The following RIMS1 variants were observed in gnomAD, a reference collection of about 807,000 sequenced individuals.
RIMS1 encodes regulating synaptic membrane exocytosis 1.
A neutral mutation model predicts 214.1 loss-of-function variants in RIMS1; 83 were observed. The observed-to-expected ratio is 0.39, with a 90% CI of 0.32 to 0.47. The LOEUF is 0.47. RIMS1 is among the 20% of genes least tolerant of loss of function. RIMS1 has a pLI of 0.99. For missense variants in RIMS1, 2,050 were observed against 2,161.8 expected (o/e 0.95, Z 1.03); for synonymous variants, 793 against 786.8 (o/e 1.01, Z -0.13).
intron 6 of RIMS1, among the ~76,000 whole-genome samples, chr6:72,186,220 G>A (rs929979772): frequency 1.3e-5 from 2 of 152,216 alleles, no homozygotes; most frequent in Non-Finnish European, 2.9e-5. Flanking sequence ...AGCATCAACT[G>A]TACTTCACAA....
chr6:72,262,080 A>T (rs2154165778), intron 19 of RIMS1: 11 of 984,944 alleles, frequency 1.1e-5, no homozygotes, highest in East Asian at 2.3e-4. Flanking sequence ...ACACAAAAAA[A>T]ATCCTTATAT....
intron 29 of RIMS1, among the ~76,000 whole-genome samples, chr6:72,374,489 A>G (rs2098319213): frequency 6.6e-6 from 1 of 152,168 alleles, no homozygotes; most frequent in African/African-American, 2.4e-5. Flanking sequence ...CCCTCAAATT[A>G]CTACCAAGGC....
intron 2 of RIMS1, among the ~76,000 whole-genome samples, chr6:71,999,767 T>C (rs1250261902): frequency 6.6e-6 from 1 of 152,112 alleles, no homozygotes; most frequent in Admixed American, 6.6e-5. Context: ...TCTAATTACT[T>C]TTTGTTGGTT....
At chr6:72,235,577 T>C in intron 7 of RIMS1, 41 bp from the exon 8 acceptor site, 1 of 1,283,524 alleles carries the variant, frequency 7.8e-7, no homozygotes. Context: ...TGCATTACAT[T>C]CTGTATATAT....
chr6:72,224,744 A>AT (rs1486600980), intron 6 of RIMS1, among the ~76,000 whole-genome samples: 2 of 151,946 alleles, frequency 1.3e-5, no homozygotes, highest in Non-Finnish European at 2.9e-5. Context: ...CTTTATCCTC[A>AT]TTTTTTTGTG....
At chr6:72,090,844 A>C (rs1322365134) in intron 2 of RIMS1, among the ~76,000 whole-genome samples, 1 of 152,180 alleles carries the variant, frequency 6.6e-6, no homozygotes, top group African/African-American at 2.4e-5. Flanking sequence ...CAAAACATTG[A>C]ATTTCAGTCA....
chr6:72,097,044 C>T lies in RIMS1; in HGVS notation c.341C>T (p.Pro114Leu). Reference sequence around the variant, plus strand: ...CAGGGCGAGCACAAAGACGATGCTCCGACTTGTGGAATCTGTCATAAAACA... The same window carrying T: ...CAGGGCGAGCACAAAGACGATGCTCTGACTTGTGGAATCTGTCATAAAACA... ...RYQGEHKDDAPTCGICHKTKF... is the reference protein window; with the variant it reads ...RYQGEHKDDALTCGICHKTKF... Residue 114 changes from proline to leucine, a missense_variant, in exon 3 of 34, where the codon CCG becomes CTG. This residue lies in a region of RIMS1 where 882 missense variants were observed against 828.9 expected (regional missense o/e 1.06). Transcript: ENST00000521978. 2 of 1,613,928 alleles carry T rather than the reference C, an allele frequency of 1.2e-6. No individual in the cohort carries two copies. Among genetic ancestry groups the T allele is most frequent in the Non-Finnish European group, 1.7e-6 (2 of 1,179,866 alleles).
chr6:72,028,646 C>T (rs142660678), intron 2 of RIMS1, among the ~76,000 whole-genome samples: 203 of 152,200 alleles, frequency 1.3e-3, no homozygotes, highest in Middle Eastern at 3.4e-3. Flanking sequence ...AAAAGACAAA[C>T]GAAAGCATGG....
chr6:72,391,404 T>C (rs1361783494), intron 30 of RIMS1, among the ~76,000 whole-genome samples: 2 of 151,872 alleles, frequency 1.3e-5, no homozygotes, highest in African/African-American at 4.8e-5. Flanking sequence ...AACCTGCTTC[T>C]TCCTATGCTT....
intron 6 of RIMS1, among the ~76,000 whole-genome samples, chr6:72,231,998 T>A (rs1373924911): frequency 6.6e-6 from 1 of 151,692 alleles, no homozygotes; most frequent in Non-Finnish European, 1.5e-5. Context: ...TAAGTCAGGT[T>A]ATTGAGGGAT....
chr6:72,348,207 TCTTAAA>T (rs2097330562), intron 29 of RIMS1, among the ~76,000 whole-genome samples: 1 of 151,966 alleles, frequency 6.6e-6, no homozygotes, highest in South Asian at 2.1e-4. Flanking sequence ...TACAGTTGAC[TCTTAAA>T]CAATGCAGTT....
Position 72,252,770 on chromosome 6 carries a change from G to C in RIMS1, c.2708G>C (p.Arg903Pro). The C allele has an allele frequency of 6.4e-7, 1 of 1,558,796 alleles. No individual in the cohort carries two copies. The highest frequency in any genetic ancestry group is 8.7e-7 in the Non-Finnish European group (1 of 1,150,066). ...CCTTACTGTTGTGCAGGATCTCAGC[G>C]AATCAGTGATAGTGACATCTCAGAT... Reference protein sequence around the residue: ...SSSKKLQRSQRISDSDISDYE... With the variant: ...SSSKKLQRSQPISDSDISDYE... The change falls in exon 16 of 34, where the codon CGA becomes CCA. Residue 903 changes from arginine to proline, a missense_variant. Transcript: ENST00000521978.
intron 2 of RIMS1, among the ~76,000 whole-genome samples, chr6:72,031,818 A>G (rs1480669361): frequency 6.6e-6 from 1 of 152,158 alleles, no homozygotes; most frequent in Non-Finnish European, 1.5e-5. Context: ...AACATTTATT[A>G]GATGCATAGC....
At chr6:72,196,443 C>T (rs2050942270) in intron 6 of RIMS1, among the ~76,000 whole-genome samples, 1 of 151,600 alleles carries the variant, frequency 6.6e-6, no homozygotes, top group Non-Finnish European at 1.5e-5. Context: ...TATAGAGAGA[C>T]AGGATGCTTC....
intron 1 of RIMS1, among the ~76,000 whole-genome samples, chr6:71,904,774 A>T (rs1288988140): frequency 1.3e-5 from 2 of 152,176 alleles, no homozygotes; most frequent in Non-Finnish European, 1.5e-5. Flanking sequence ...AAGACTGTCC[A>T]GATTGTGGAC....
intron 1 of RIMS1, among the ~76,000 whole-genome samples, chr6:71,895,192 C>G (rs991339536): frequency 1.3e-5 from 2 of 152,130 alleles, no homozygotes; most frequent in Non-Finnish European, 2.9e-5. Context: ...TTTACATCGT[C>G]CATTTGATTA....
intron 1 of RIMS1, among the ~76,000 whole-genome samples, chr6:71,958,338 G>T (rs1561969265): frequency 6.6e-6 from 1 of 152,086 alleles, no homozygotes; most frequent in Non-Finnish European, 1.5e-5. Flanking sequence ...TTCCAATGTA[G>T]ACATTTCTTG....
intron 4 of RIMS1, among the ~76,000 whole-genome samples, chr6:72,105,187 G>A (rs2034489927): frequency 1.3e-5 from 2 of 152,146 alleles, no homozygotes; most frequent in African/African-American, 4.8e-5. Flanking sequence ...TCCTGCTTTG[G>A]CCTCCCAAAG....
chr6:72,187,334 T>C (rs1429873251), intron 6 of RIMS1, among the ~76,000 whole-genome samples: 1 of 152,188 alleles, frequency 6.6e-6, no homozygotes, highest in East Asian at 1.9e-4. Context: ...TATGGGCTTG[T>C]AAAAAGTCAA....
Sources: gnomAD v4.1 joint callset for allele counts (sites outside exome capture counted in the v4.1 genomes callset) on GRCh38, gnomAD v4.1.1 for gene constraint, gnomAD v4.1.1 regional missense constraint, MANE v1.5 for transcripts, NCBI Gene and HGNC (gene_info 2026-07-23, HGNC 2026-07-21) for gene names.